The following ADGB variants were observed in gnomAD, a reference collection of about 807,000 sequenced individuals.
ADGB encodes calpain-7-like protein.
In ADGB, 172 loss-of-function variants were observed where a neutral mutation model predicts 210.5. The observed-to-expected ratio is 0.82, with a 90% CI of 0.72 to 0.93. The LOEUF (loss-of-function observed/expected upper bound fraction) is 0.93. ADGB is among the 40% of genes least tolerant of loss of function. The pLI, the probability that ADGB is intolerant of heterozygous loss-of-function variation, is 0.00. For missense variants in ADGB, 2,025 were observed against 1,964.8 expected, an observed-to-expected ratio of 1.03 and a Z score of -0.58; for synonymous variants, 658 against 662.7, an observed-to-expected ratio of 0.99 and a Z score of 0.11.
chr6:146,771,164 G>A (rs937613634), intron 29 of ADGB, among the ~76,000 whole-genome samples: 10 of 152,134 alleles, frequency 6.6e-5, no homozygotes, highest in African/African-American at 2.4e-4. Context: ...GGTTGCACAG[G>A]CGGTTGGCTT....
At chr6:146,732,674 A>G (rs987741726) in intron 20 of ADGB, among the ~76,000 whole-genome samples, 4 of 152,166 alleles carry the variant, frequency 2.6e-5, no homozygotes, top group Admixed American at 2.0e-4. Flanking sequence ...AAGTTTTTTC[A>G]ATATGAGGTT....
chr6:146,708,445 T>A (rs1469972928), intron 13 of ADGB, among the ~76,000 whole-genome samples: 1 of 152,078 alleles, frequency 6.6e-6, no homozygotes, highest in Non-Finnish European at 1.5e-5. Flanking sequence ...TTTGGGAAAG[T>A]TTTTATCTCC....
intron 33 of ADGB, among the ~76,000 whole-genome samples, chr6:146,793,279 G>A (rs1402850971): frequency 2.0e-5 from 3 of 152,282 alleles, no homozygotes; most frequent in East Asian, 1.9e-4. Context: ...GCTGATTGGT[G>A]CATTTTACAA....
At position 146,691,444 on chromosome 6, in the gene ADGB, AAAT is replaced by A. The variant is rs1465543486; in HGVS notation, c.1486+156_1486+158del. Among the ~76,000 whole-genome samples the A allele has an allele frequency of 1.1e-3, 23 of 21,258 alleles. No individual in the cohort carries two copies. In the East Asian group the frequency reaches 0.015, roughly 14 times the overall value. The allele number at this position is 21,258 out of a possible 152,430, so 13.9% of individuals were successfully genotyped here. Reference sequence around the variant, plus strand: ...TATATATATATATATATATATATAAAAATATATATATATAAAAATATATATATA... The same window carrying A: ...TATATATATATATATATATATATAAAATATATATATAAAAATATATATATA... On this transcript the variant is annotated intron_variant, in intron 11 of 35. Coordinates refer to ENST00000397944, the MANE Select transcript of ADGB (RefSeq NM_024694.4).
chr6:146,756,774 G>A (rs1473878713), intron 27 of ADGB, among the ~76,000 whole-genome samples: 1 of 150,750 alleles, frequency 6.6e-6, no homozygotes, highest in African/African-American at 2.4e-5. Flanking sequence ...GTCTCACTCT[G>A]TCACCCAGGC....
rs1436888171 is a variant in ADGB, at chr6:146,764,003, G to C, written c.3653G>C (p.Arg1218Thr). Residue 1218 changes from arginine (R) to threonine (T), a missense_variant, in exon 28 of 36, where the codon AGA (arginine) becomes ACA (threonine). Physicochemically the swap from Arg to Thr is moderately conservative, Grantham distance 71. Transcript: ENST00000397944. ...GGAATTCAGAAATCCCCCAAGGGTAGAGCTGTAAGTGCAATACAAGACATT... is the reference window on the plus strand; with the variant it reads ...GGAATTCAGAAATCCCCCAAGGGTACAGCTGTAAGTGCAATACAAGACATT... ...AQGIQKSPKGRAVSAIQDIGL... is the reference protein window; with the variant it reads ...AQGIQKSPKGTAVSAIQDIGL... The C allele has an allele frequency of 6.4e-7, 1 of 1,551,536 alleles. No individual in the cohort carries two copies. The highest frequency in any genetic ancestry group is 8.7e-7 in the Non-Finnish European group (1 of 1,146,892).
chr6:146,646,564 G>A (rs1775615700), intron 3 of ADGB, among the ~76,000 whole-genome samples: 1 of 152,094 alleles, frequency 6.6e-6, no homozygotes, highest in African/African-American at 2.4e-5. Context: ...TAACTTAACA[G>A]CAGAAGGATT....
rs958117773 is a variant in ADGB, at chr6:146,752,639, A to G, written c.3475A>G (p.Ser1159Gly). 2.6e-6 allele frequency: 4 copies of G among 1,550,894 alleles called. No homozygotes were observed. In the Admixed American group the frequency reaches 7.9e-5, roughly 30 times the overall value. ...QVLENEETMVSSTGKGQAIIP... is the reference protein window; with the variant it reads ...QVLENEETMVGSTGKGQAIIP... ...CCTAGAAAATGAAGAAACTATGGTGAGCTCCACTGGAAAAGGCCAAGCTAT... is the reference window on the plus strand; with the variant it reads ...CCTAGAAAATGAAGAAACTATGGTGGGCTCCACTGGAAAAGGCCAAGCTAT... Residue 1159 changes from serine to glycine, a missense_variant, in exon 27 of 36, where the codon AGC becomes GGC. Coordinates refer to ENST00000397944, the MANE Select transcript of ADGB (RefSeq NM_024694.4).
chr6:146,599,189 C>T (rs1780515342), intron 1 of ADGB, 75 bp downstream of exon 1: 2 of 1,368,876 alleles, frequency 1.5e-6, no homozygotes, highest in Non-Finnish European at 2.0e-6. Context: ...GGGCTGCCTC[C>T]CTGCAGCAAA....
At chr6:146,714,194 T>A (rs564902531) in intron 13 of ADGB, among the ~76,000 whole-genome samples, 1 of 152,292 alleles carries the variant, frequency 6.6e-6, no homozygotes, top group African/African-American at 2.4e-5. Flanking sequence ...CACCAAAGAG[T>A]TGCTGATTAG....
At chr6:146,653,544 T>A (rs10428814) in intron 3 of ADGB, among the ~76,000 whole-genome samples, 3,013 of 152,212 alleles carry the variant, frequency 0.02, 90 homozygotes, top group African/African-American at 0.066. Flanking sequence ...ATGATGAGAA[T>A]ACATCGACAC....
intron 5 of ADGB, among the ~76,000 whole-genome samples, chr6:146,660,490 A>G (rs1775840545): frequency 6.6e-6 from 1 of 152,154 alleles, no homozygotes; most frequent in African/African-American, 2.4e-5. Flanking sequence ...AAGCTATTGT[A>G]CATAATTTAT....
intron 28 of ADGB, among the ~76,000 whole-genome samples, chr6:146,765,178 A>G (rs1009097285): frequency 6.6e-6 from 1 of 152,174 alleles, no homozygotes; most frequent in Admixed American, 6.6e-5. Flanking sequence ...GCCATAACTA[A>G]CATATAGGCA....
chr6:146,730,783 A>G (rs1269839378), intron 20 of ADGB, among the ~76,000 whole-genome samples: 1 of 152,154 alleles, frequency 6.6e-6, no homozygotes, highest in Non-Finnish European at 1.5e-5. Flanking sequence ...TACTAAAGAT[A>G]GAAAAATTAG....
chr6:146,746,077 C>A lies in ADGB; in HGVS notation c.3333C>A (p.Tyr1111Ter). The A allele has an allele frequency of 6.5e-7, 1 of 1,547,452 alleles. No homozygotes were observed. The highest frequency in any genetic ancestry group is 8.7e-7 in the Non-Finnish European group (1 of 1,144,478). Reference sequence around the variant, plus strand: ...TTGCCATAAAGGAAATCCGAGATTACTACATACCCAATGATAAGAAAATTT... The same window carrying A: ...TTGCCATAAAGGAAATCCGAGATTAATACATACCCAATGATAAGAAAATTT... ...NSFAIKEIRDYYIPNDKKILF... is the reference protein window; with the variant it reads ...NSFAIKEIRD Residue 1111 changes from tyrosine to a stop codon, truncating the protein, a stop_gained, in exon 26 of 36, where the codon TAC (tyrosine) becomes TAA (stop). Transcript: ENST00000397944. LOFTEE classifies it high-confidence loss of function.
chr6:146,618,873 T>A (rs182325861), intron 1 of ADGB, among the ~76,000 whole-genome samples: 10 of 152,076 alleles, frequency 6.6e-5, no homozygotes, highest in African/African-American at 1.9e-4. Context: ...CTCTTTCATC[T>A]GGAGTGCAGT....
intron 25 of ADGB, among the ~76,000 whole-genome samples, chr6:146,744,578 A>C (rs374984958): frequency 6.6e-6 from 1 of 152,240 alleles, no homozygotes; most frequent in East Asian, 1.9e-4. Flanking sequence ...CACTATTATT[A>C]AACTTACTAA....
chr6:146,803,290 A>G, intron 35 of ADGB: 1 of 1,606,386 alleles, frequency 6.2e-7, no homozygotes, highest in Non-Finnish European at 8.5e-7. Context: ...AACCCACTAT[A>G]TTTTGATGAT....
At chr6:146,797,139 A>G (rs1192374418) in intron 33 of ADGB, among the ~76,000 whole-genome samples, 1 of 152,186 alleles carries the variant, frequency 6.6e-6, no homozygotes, top group African/African-American at 2.4e-5. Flanking sequence ...AATCAAAACC[A>G]CAATGTGATA....
Sources: gnomAD v4.1 joint callset for allele counts (sites outside exome capture counted in the v4.1 genomes callset) on GRCh38, gnomAD v4.1.1 for gene constraint, MANE v1.5 for transcripts, NCBI Gene and HGNC (gene_info 2026-07-23, HGNC 2026-07-21) for gene names.